The following ABLIM2 variants were observed in gnomAD, a reference collection of about 807,000 sequenced individuals.
ABLIM2 encodes the protein actin binding LIM protein family member 2, also known as actin-binding LIM protein 2.
ABLIM2 carries 53 observed loss-of-function variants against 97.7 expected under a neutral mutation model. That is an observed-to-expected ratio of 0.54 (90% CI 0.44 to 0.68). ABLIM2 has a LOEUF of 0.68. Among genes scored for constraint, ABLIM2 ranks in the 30% least tolerant of loss-of-function variants. The pLI is 0.00. For missense variants in ABLIM2, 835 were observed against 867.2 expected (o/e 0.96, Z 0.47); for synonymous variants, 361 against 345.8 (o/e 1.04, Z -0.49).
In ABLIM2 at chr4:8,124,005, C is replaced by T. The variant is rs1162638963; in HGVS notation, c.11-17368G>A. 1.3e-5 allele frequency among the ~76,000 whole-genome samples: 2 copies of T among 152,196 alleles called. No individual in the cohort carries two copies. The highest frequency in any genetic ancestry group is 6.5e-5 in the Admixed American group (1 of 15,280). On this transcript the variant is annotated intron_variant, in intron 1 of 20. Transcript: ENST00000447017. The surrounding 1 kb of genome is among the most constrained non-coding windows in gnomAD (Gnocchi z 6.1). ...ATGAAGGAAAATTTAAAATCCCCTG[C>T]TTCCCTTTTACTGAGACGACCACTC... is the stretch of plus-strand genomic sequence containing the variant.
chr4:8,012,124 CCCAT>C (rs1331117043), intron 14 of ABLIM2, among the ~76,000 whole-genome samples: 4 of 150,884 alleles, frequency 2.7e-5, no homozygotes, highest in South Asian at 2.1e-4. Flanking sequence ...CCATCCTTCA[CCCAT>C]CCATCCATCC....
chr4:7,990,424 G>T (rs2149875897), intron 17 of ABLIM2, among the ~76,000 whole-genome samples: 1 of 152,232 alleles, frequency 6.6e-6, no homozygotes, highest in Non-Finnish European at 1.5e-5. Context: ...GACCTCAAGT[G>T]ATCTGCCTGC....
chr4:8,156,888 G>A (rs557241721), intron 1 of ABLIM2, among the ~76,000 whole-genome samples: 1 of 152,358 alleles, frequency 6.6e-6, no homozygotes, highest in African/African-American at 2.4e-5. Context: ...GCGCATCATC[G>A]GCTGGGGACA....
chr4:8,062,709 G>A (rs1804157918), intron 6 of ABLIM2, among the ~76,000 whole-genome samples: 1 of 152,170 alleles, frequency 6.6e-6, no homozygotes, highest in African/African-American at 2.4e-5. Context: ...AAAGTGTTGG[G>A]ATTACAGGCA....
chr4:8,040,845 G>C (rs776633769), intron 9 of ABLIM2, among the ~76,000 whole-genome samples: 1 of 152,198 alleles, frequency 6.6e-6, no homozygotes, highest in Non-Finnish European at 1.5e-5. Flanking sequence ...CTTGGAGCAC[G>C]TGTCAGAATT....
chr4:8,076,110 C>G (rs552165763), intron 6 of ABLIM2, among the ~76,000 whole-genome samples: 3 of 152,350 alleles, frequency 2.0e-5, no homozygotes, highest in Admixed American at 6.5e-5. Context: ...CAGGACCCTT[C>G]CCGTGGGGGC....
rs1461837552 is a variant in ABLIM2, at chr4:8,149,932, C to G, written c.10+8748G>C. Among the ~76,000 whole-genome samples, 1 of 151,992 alleles carries G rather than the reference C, an allele frequency of 6.6e-6. No homozygotes were observed. Among genetic ancestry groups the G allele is most frequent in the Non-Finnish European group, 1.5e-5 (1 of 67,998 alleles). ...GAGTCCCCACTTGCCAGAGTGGTGG[C>G]CCCCATCCAAATGCCCCCTCCTGGC... On this transcript the variant is annotated intron_variant, in intron 1 of 20. Coordinates refer to ENST00000447017, the MANE Select transcript of ABLIM2 (RefSeq NM_001130083.2). This position sits in a 1 kb window ranked among gnomAD's most constrained non-coding sequence, Gnocchi z 6.4.
Position 8,035,877 on chromosome 4 carries a change from C to T in ABLIM2, c.1047+272G>A, listed in dbSNP as rs139979261. On this transcript the variant is annotated intron_variant, in intron 10 of 20. Transcript: ENST00000447017. Reference sequence around the variant, plus strand: ...GAGTCACTATCATCTTTCCTACAAACCAGCATGCTTCCTACTTTCTACTCC... The same window carrying T: ...GAGTCACTATCATCTTTCCTACAAATCAGCATGCTTCCTACTTTCTACTCC... Among the ~76,000 whole-genome samples the T allele has an allele frequency of 1.8e-3, 275 of 152,354 alleles. 1 individual carries two copies. The highest frequency in any genetic ancestry group is 6.4e-3 in the African/African-American group (266 of 41,582).
chr4:7,966,605 A>G lies in ABLIM2; in HGVS notation c.*385T>C, dbSNP rs1255656586. The G allele has an allele frequency of 1.0e-5, 2 of 196,508 alleles. No homozygotes were observed. The highest frequency in any genetic ancestry group is 2.6e-4 in the East Asian group (2 of 7,720). 12.2% of individuals were successfully genotyped at this position (196,508 alleles called of 1,614,324 possible). A position where few individuals can be genotyped will look rare whatever the true frequency, so the allele number is the denominator to read the frequency against. On this transcript the variant is annotated 3_prime_UTR_variant, in exon 21 of 21. Coordinates refer to ENST00000447017, the MANE Select transcript of ABLIM2 (RefSeq NM_001130083.2). ...ATGGTGTCAGCAACCATCATCAACAAGCCTCACAGCTCACGTCCCGGCCAC... is the reference window on the plus strand; with the variant it reads ...ATGGTGTCAGCAACCATCATCAACAGGCCTCACAGCTCACGTCCCGGCCAC...
At chr4:8,093,814 A>C (rs1013283698) in intron 3 of ABLIM2, among the ~76,000 whole-genome samples, 2 of 152,196 alleles carry the variant, frequency 1.3e-5, no homozygotes, top group African/African-American at 4.8e-5. Flanking sequence ...CAATTTGATT[A>C]GGATAGATTT....
intron 9 of ABLIM2, among the ~76,000 whole-genome samples, chr4:8,037,599 C>A (rs1464823942): frequency 6.6e-6 from 1 of 152,066 alleles, no homozygotes; most frequent in Non-Finnish European, 1.5e-5. Context: ...CCAGATTCAC[C>A]CACAAACGTG....
Position 8,044,360 on chromosome 4 carries a change from C to A in ABLIM2, c.900+804G>T, listed in dbSNP as rs1337638370. On this transcript the variant is annotated intron_variant, in intron 9 of 20. Transcript: ENST00000447017. This position sits in a 1 kb window ranked among gnomAD's most constrained non-coding sequence, Gnocchi z 4.4. Reference sequence around the variant, plus strand: ...ACCGCATAAGCCATCCCTCACCTGGCGCCTGGGGGTCCTCGCCTAGATAAG... The same window carrying A: ...ACCGCATAAGCCATCCCTCACCTGGAGCCTGGGGGTCCTCGCCTAGATAAG... 6.6e-6 allele frequency among the ~76,000 whole-genome samples: 1 copy of A among 150,618 alleles called. No individual in the cohort carries two copies. Among genetic ancestry groups the A allele is most frequent in the Non-Finnish European group, 1.5e-5 (1 of 67,604 alleles).
chr4:7,977,923 C>T (rs1452269660), intron 20 of ABLIM2, among the ~76,000 whole-genome samples: 1 of 151,908 alleles, frequency 6.6e-6, no homozygotes, highest in Non-Finnish European at 1.5e-5. Flanking sequence ...CAGTATGAGC[C>T]CTCTTGATCC....
In ABLIM2 at chr4:8,080,932, C is replaced by T. The variant is rs1198383189; in HGVS notation, c.455-130G>A. 1.8e-5 allele frequency: 21 copies of T among 1,174,880 alleles called. No individual in the cohort carries two copies. In the South Asian group the frequency reaches 2.3e-4, roughly 13 times the overall value. The allele number at this position is 1,174,880 out of a possible 1,614,324, so 72.8% of individuals were successfully genotyped here. A position where few individuals can be genotyped will look rare whatever the true frequency, so the allele number is the denominator to read the frequency against. ...GGGCGGGACAGACCAGCAGCCACAG[C>T]GAGTGTGCTTGGAGGAGTCTCTTAC... On this transcript the variant is annotated intron_variant, in intron 4 of 20. Coordinates refer to ENST00000447017, the MANE Select transcript of ABLIM2 (RefSeq NM_001130083.2).
intron 14 of ABLIM2, among the ~76,000 whole-genome samples, chr4:8,018,166 A>T (rs1017865881): frequency 2.6e-5 from 4 of 152,198 alleles, no homozygotes; most frequent in African/African-American, 9.6e-5. Flanking sequence ...TCTAAGGGGC[A>T]GACCCCCTCC....
intron 1 of ABLIM2, among the ~76,000 whole-genome samples, chr4:8,153,511 A>G (rs1578569602): frequency 6.6e-6 from 1 of 152,264 alleles, no homozygotes; most frequent in Non-Finnish European, 1.5e-5. Context: ...TCTCAGATGA[A>G]TTTCTGGGTC....
Position 8,001,599 on chromosome 4 carries a change from C to T in ABLIM2, c.1618+6460G>A, listed in dbSNP as rs1461296904. On this transcript the variant is annotated intron_variant, in intron 16 of 20. Coordinates refer to ENST00000447017, the MANE Select transcript of ABLIM2 (RefSeq NM_001130083.2). This position sits in a 1 kb window ranked among gnomAD's most constrained non-coding sequence, Gnocchi z 4.2. ...GGGGGCTCAGAGAGCACCCTGCCTGCCCAGCAGGAGGCCAGGCCTTCCAGA... is the reference window on the plus strand; with the variant it reads ...GGGGGCTCAGAGAGCACCCTGCCTGTCCAGCAGGAGGCCAGGCCTTCCAGA... Among the ~76,000 whole-genome samples, 1 of 152,090 alleles carries T rather than the reference C, an allele frequency of 6.6e-6. No individual in the cohort carries two copies. The highest frequency in any genetic ancestry group is 1.5e-5 in the Non-Finnish European group (1 of 67,984).
Position 8,015,050 on chromosome 4 carries a change from A to G in ABLIM2, c.1423+4568T>C, listed in dbSNP as rs1360088614. On this transcript the variant is annotated intron_variant, in intron 14 of 20. Transcript: ENST00000447017. The surrounding 1 kb of genome is among the most constrained non-coding windows in gnomAD (Gnocchi z 4.6). ...ATTCTCGTACTTCAGCCTCCCGAGTAGCTGGGATTACAGGCGCCGGCCACC... is the reference window on the plus strand; with the variant it reads ...ATTCTCGTACTTCAGCCTCCCGAGTGGCTGGGATTACAGGCGCCGGCCACC... Among the ~76,000 whole-genome samples the G allele has an allele frequency of 6.6e-6, 1 of 151,830 alleles. No individual in the cohort carries two copies. Among genetic ancestry groups the G allele is most frequent in the Non-Finnish European group, 1.5e-5 (1 of 67,970 alleles).
rs73092349 is a variant in ABLIM2, at chr4:8,030,588, C to T, written c.1048-812G>A. On this transcript the variant is annotated intron_variant, in intron 10 of 20. Coordinates refer to ENST00000447017, the MANE Select transcript of ABLIM2 (RefSeq NM_001130083.2). Reference sequence around the variant, plus strand: ...TGCTGTCCCTAACGCCTGCCTGGTGCGCCACCTCCATGCGCTCAGGCCAGC... The same window carrying T: ...TGCTGTCCCTAACGCCTGCCTGGTGTGCCACCTCCATGCGCTCAGGCCAGC... 7.0e-3 allele frequency among the ~76,000 whole-genome samples: 1,062 copies of T among 152,314 alleles called. 12 individuals carry two copies. Among genetic ancestry groups the T allele is most frequent in the African/African-American group, 0.023 (973 of 41,570 alleles).
Sources: gnomAD v4.1 joint callset for allele counts (sites outside exome capture counted in the v4.1 genomes callset) on GRCh38, gnomAD v4.1.1 for gene constraint, Gnocchi (gnomAD v3.1) non-coding constraint, MANE v1.5 for transcripts, NCBI Gene and HGNC (gene_info 2026-07-23, HGNC 2026-07-21) for gene names.